Variants in CBFA2T3 observed in about 807,000 individuals in gnomAD.
CBFA2T3 encodes the protein transcriptional corepressor CBFA2T3.
Under a neutral mutation model 58.6 loss-of-function variants are expected in CBFA2T3, and 31 were observed. That is an observed-to-expected ratio of 0.53 (90% CI 0.40 to 0.71). The LOEUF (loss-of-function observed/expected upper bound fraction) is 0.71, where lower values mean the gene tolerates loss of function less well. Ranked by LOEUF, CBFA2T3 falls within the 30% of genes least tolerant of loss-of-function variation. The pLI is 0.00. For synonymous variants in CBFA2T3, 531 were observed against 421.9 expected, an observed-to-expected ratio of 1.26 and a Z score of -3.17; for missense variants, 1,076 against 963.1, an observed-to-expected ratio of 1.12 and a Z score of -1.55.
intron 1 of CBFA2T3, among the ~76,000 whole-genome samples, chr16:88,975,884 G>A (rs891938662): frequency 6.6e-5 from 10 of 152,364 alleles, no homozygotes; most frequent in South Asian, 2.1e-4. Context: ...TGGACCTGAC[G>A]GCCTCAGTGA....
rs866845245 is a variant in CBFA2T3 at position 88,894,203 on chromosome 16, T to C, written c.380-1718A>G. On this transcript the variant is annotated intron_variant, in intron 3 of 11. Transcript: ENST00000268679. ...TGCATACATATACACATGCACACAA[T>C]GTACACACATGCACGCACACATGCA... 8.2e-3 allele frequency among the ~76,000 whole-genome samples: 1,115 copies of C among 136,478 alleles called. 20 individuals carry two copies. The highest frequency in any genetic ancestry group is 0.031 in the African/African-American group (1,021 of 32,488). The allele number at this position is 136,478 out of a possible 152,430, so 89.5% of individuals were successfully genotyped here. A position where few individuals can be genotyped will look rare whatever the true frequency, so the allele number is the denominator to read the frequency against.
chr16:88,941,461 G>C (rs1485262177), intron 1 of CBFA2T3, among the ~76,000 whole-genome samples: 1 of 147,714 alleles, frequency 6.8e-6, no homozygotes, highest in Admixed American at 6.7e-5. Flanking sequence ...GCTCCGCCCC[G>C]GGGCGCCGGC....
intron 1 of CBFA2T3, among the ~76,000 whole-genome samples, chr16:88,975,544 G>A (rs181347954): frequency 1.5e-3 from 223 of 152,378 alleles, no homozygotes; most frequent in Admixed American, 2.4e-3. Context: ...AGACAGGGCC[G>A]CTCCAGAGAG....
chr16:88,880,902 G>T (rs955054479), intron 9 of CBFA2T3, 114 bp from the exon 10 acceptor site: 46 of 984,652 alleles, frequency 4.7e-5, no homozygotes, highest in Middle Eastern at 3.0e-4. Flanking sequence ...GTGCGTCCCT[G>T]GGGGGAGGCC....
At position 88,976,750 on chromosome 16, in the gene CBFA2T3, C is replaced by A; in HGVS notation, c.58G>T (p.Gly20Cys). Residue 20 changes from glycine (G) to cysteine (C), a missense_variant, in exon 1 of 12, where the codon GGC becomes TGC. Transcript: ENST00000268679. ...ACAGGGTGCGTCTGGGACATGGAGC[C>A]ACAGGTGGATCCCGAGGCTGAACTG... ...AASSASGSTC[G>C]SMSQTHPVLE... 6.4e-7 allele frequency: 1 copy of A among 1,557,334 alleles called. No homozygotes were observed. Among genetic ancestry groups the A allele is most frequent in the Non-Finnish European group, 8.7e-7 (1 of 1,150,422 alleles).
At chr16:88,896,181 G>A (rs1969880041) in intron 3 of CBFA2T3, among the ~76,000 whole-genome samples, 1 of 152,188 alleles carries the variant, frequency 6.6e-6, no homozygotes, top group Non-Finnish European at 1.5e-5. Flanking sequence ...GTCAGATATG[G>A]CACAAAACCT....
intron 1 of CBFA2T3, among the ~76,000 whole-genome samples, chr16:88,918,408 C>A (rs1319302864): frequency 6.6e-6 from 1 of 152,228 alleles, no homozygotes; most frequent in Non-Finnish European, 1.5e-5. Context: ...GCTGTGGCTG[C>A]CCCTGGGACC....
At chr16:88,882,252 G>A (rs550243049) in intron 8 of CBFA2T3, among the ~76,000 whole-genome samples, 1 of 152,248 alleles carries the variant, frequency 6.6e-6, no homozygotes, top group African/African-American at 2.4e-5. Flanking sequence ...AGGCCCCATG[G>A]GGCAGAGCCA....
intron 5 of CBFA2T3, among the ~76,000 whole-genome samples, chr16:88,890,841 C>T (rs1379137003): frequency 6.6e-6 from 1 of 152,158 alleles, no homozygotes; most frequent in Non-Finnish European, 1.5e-5. Flanking sequence ...CTCAGCCTCC[C>T]GGGTAGCTGG....
intron 1 of CBFA2T3, among the ~76,000 whole-genome samples, chr16:88,951,883 C>T (rs1441250869): frequency 6.6e-6 from 1 of 152,214 alleles, no homozygotes. Context: ...TCTGTGGGGC[C>T]TGAAACCGGT....
intron 3 of CBFA2T3, among the ~76,000 whole-genome samples, chr16:88,897,017 T>A (rs56920499): frequency 3.9e-5 from 6 of 152,298 alleles, no homozygotes; most frequent in African/African-American, 1.2e-4. Flanking sequence ...CAGCTGAGGA[T>A]TGGGGGCACA....
chr16:88,922,753 G>A (rs1970962879), intron 1 of CBFA2T3, among the ~76,000 whole-genome samples: 2 of 152,206 alleles, frequency 1.3e-5, no homozygotes, highest in South Asian at 2.1e-4. Context: ...ATCCCATCCC[G>A]ACCTCGGAGA....
At chr16:88,904,270 G>C (rs560335398) in intron 1 of CBFA2T3, among the ~76,000 whole-genome samples, 3 of 152,204 alleles carry the variant, frequency 2.0e-5, no homozygotes, top group Non-Finnish European at 1.5e-5. Flanking sequence ...GCTCACTGCA[G>C]GAAGATCCTT....
chr16:88,886,074 C>A lies in CBFA2T3; in HGVS notation c.780G>T (p.Gln260His). The change falls in exon 6 of 12, where the codon CAG becomes CAT. Residue 260 changes from glutamine (Q) to histidine (H), a missense_variant. Gln to His is a conservative substitution (Grantham distance 24). Coordinates refer to ENST00000268679, the MANE Select transcript of CBFA2T3 (RefSeq NM_005187.6). ...GGAGCTGCTCATGCTGGGCCAAGTA[C>A]TGGGCGGGCGTCTGCTTGGCCAGGC... is the stretch of plus-strand genomic sequence containing the variant. ...CARLAKQTPAQYLAQHEQLLL... is the reference protein window; with the variant it reads ...CARLAKQTPAHYLAQHEQLLL... 1.3e-6 allele frequency: 2 copies of A among 1,591,480 alleles called. No individual in the cohort carries two copies. Among genetic ancestry groups the A allele is most frequent in the Non-Finnish European group, 1.7e-6 (2 of 1,174,894 alleles).
chr16:88,961,655 G>A (rs111346448), intron 1 of CBFA2T3, among the ~76,000 whole-genome samples: 1 of 113,236 alleles, frequency 8.8e-6, no homozygotes, highest in Admixed American at 8.6e-5. Context: ...GACACTCAGC[G>A]CTGGGCATTC....
intron 1 of CBFA2T3, among the ~76,000 whole-genome samples, chr16:88,917,317 C>T (rs1970770100): frequency 6.6e-6 from 1 of 152,140 alleles, no homozygotes; most frequent in African/African-American, 2.4e-5. Context: ...GGCTGCGGAA[C>T]TGGCACCGTG....
chr16:88,903,477 G>T (rs884968), intron 1 of CBFA2T3, among the ~76,000 whole-genome samples: 2 of 152,042 alleles, frequency 1.3e-5, no homozygotes, highest in Admixed American at 6.5e-5. Flanking sequence ...GACCTCCCTC[G>T]CACAGGGCGC....
At position 88,976,911 on chromosome 16, in the gene CBFA2T3, G is replaced by T; in HGVS notation, c.-104C>A. On this transcript the variant is annotated 5_prime_UTR_variant, in exon 1 of 12. Coordinates refer to ENST00000268679, the MANE Select transcript of CBFA2T3 (RefSeq NM_005187.6). ...CCTTGAGGGAAAGAGGAGGGGCTGG[G>T]CCAGCTGGGGCGTCCTGGAGTTGGG... 7.3e-7 allele frequency: 1 copy of T among 1,377,048 alleles called. No homozygotes were observed. Among genetic ancestry groups the T allele is most frequent in the Non-Finnish European group, 9.7e-7 (1 of 1,026,602 alleles). 85.3% of individuals were successfully genotyped at this position (1,377,048 alleles called of 1,614,324 possible).
At position 88,977,034 on chromosome 16, in the gene CBFA2T3, C is replaced by A. The variant is rs1453543113; in HGVS notation, c.-227G>T. 6.4e-6 allele frequency: 3 copies of A among 467,926 alleles called. No individual in the cohort carries two copies. The highest frequency in any genetic ancestry group is 3.4e-5 in the Admixed American group (1 of 29,692). 29.0% of individuals were successfully genotyped at this position (467,926 alleles called of 1,614,324 possible). ...GCCCTGGGGCTCATGTGACGCGGGG[C>A]GGGCCTGGGGCTGCAGGCTGGGGAA... is the stretch of plus-strand genomic sequence containing the variant. On this transcript the variant is annotated 5_prime_UTR_variant, in exon 1 of 12. Transcript: ENST00000268679.
Sources: allele counts gnomAD v4.1 joint callset (sites outside exome capture counted in the v4.1 genomes callset), GRCh38; gene constraint gnomAD v4.1.1; transcripts MANE v1.5; gene names NCBI Gene and HGNC (gene_info 2026-07-23, HGNC 2026-07-21).